Variants in TAF9B observed in about 807,000 individuals in gnomAD.
The protein encoded by TAF9B is TATA-box binding protein associated factor 9b.
A neutral mutation model predicts 17.6 loss-of-function variants in TAF9B; 47 were observed. The observed-to-expected ratio is 2.68, with a 90% confidence interval of 2.12 to 3.41. The LOEUF is 3.41. TAF9B is among the 30% of genes most tolerant of loss of function. TAF9B has a pLI of 0.00. For synonymous variants in TAF9B, 84 were observed against 68.7 expected, an observed-to-expected ratio of 1.22 and a Z score of -1.10; for missense variants, 218 against 189.3, an observed-to-expected ratio of 1.15 and a Z score of -0.89.
intron 5 of TAF9B, among the ~76,000 whole-genome samples, chrX:78,134,618 A>G (rs1557249842): frequency 9.0e-6 from 1 of 111,231 alleles, no homozygotes; most frequent in Non-Finnish European, 1.9e-5. Context: ...ATAAAGCCCA[A>G]AGGTACTGAG....
At chrX:78,137,236 G>C (rs1358497459) in intron 4 of TAF9B, among the ~76,000 whole-genome samples, 2 of 111,696 alleles carry the variant, frequency 1.8e-5, no homozygotes, top group Non-Finnish European at 3.8e-5. Context: ...TTAAGATAGC[G>C]GTTATCCCCA....
rs1188819130 is a variant in TAF9B at position 78,131,412 on chromosome X, T to A, written c.*198A>T. ...ATGAAACTATTAAGAAACAAGTACT[T>A]AACTGTTTGTAATTGAAGCCTACTG... is the stretch of plus-strand genomic sequence containing the variant. On this transcript the variant is annotated 3_prime_UTR_variant, in exon 7 of 7. Transcript: ENST00000341864. The A allele has an allele frequency of 6.0e-6, 2 of 333,922 alleles. No homozygotes were observed. The highest frequency in any genetic ancestry group is 1.0e-5 in the Non-Finnish European group (2 of 194,001). The allele number at this position is 333,922 out of a possible 1,213,427, so 27.5% of individuals were successfully genotyped here. A position where few individuals can be genotyped will look rare whatever the true frequency, so the allele number is the denominator to read the frequency against.
At chrX:78,136,452 CTA>C (rs1367951635) in intron 5 of TAF9B, among the ~76,000 whole-genome samples, 1 of 112,232 alleles carries the variant, frequency 8.9e-6, no homozygotes, top group Non-Finnish European at 1.9e-5. Context: ...ACAATCAGTA[CTA>C]TGTTTTAAAA....
chrX:78,139,643 G>A lies in TAF9B; in HGVS notation c.-32C>T. The A allele has an allele frequency of 8.3e-7, 1 of 1,209,055 alleles. No individual in the cohort carries two copies. The highest frequency in any genetic ancestry group is 1.1e-6 in the Non-Finnish European group (1 of 893,916). On this transcript the variant is annotated 5_prime_UTR_variant, in exon 1 of 7. Coordinates refer to ENST00000341864, the MANE Select transcript of TAF9B (RefSeq NM_015975.5). ...CAGCCACTCGTCATCCGCGGAGACA[G>A]AGGAGAGAGGAGAGCTCGCGGGCTC... is the stretch of plus-strand genomic sequence containing the variant.
At chrX:78,133,633 C>CAGTAT (rs2078423351) in intron 5 of TAF9B, among the ~76,000 whole-genome samples, 185 bp from the exon 6 acceptor site, 1 of 111,642 alleles carries the variant, frequency 9.0e-6, no homozygotes, top group African/African-American at 3.3e-5. Flanking sequence ...TTACAAAATT[C>CAGTAT]AGTATAGAAT....
At chrX:78,132,888 C>A (rs2078419772) in intron 6 of TAF9B, among the ~76,000 whole-genome samples, 1 of 110,473 alleles carries the variant, frequency 9.1e-6, no homozygotes, top group Non-Finnish European at 1.9e-5. Context: ...AGTAGTCCCC[C>A]CTTATCTGCA....
At chrX:78,134,839 C>T (rs1460229232) in intron 5 of TAF9B, among the ~76,000 whole-genome samples, 1 of 111,813 alleles carries the variant, frequency 8.9e-6, no homozygotes, top group East Asian at 2.8e-4. Context: ...ATTGTTAATA[C>T]ATTTTAGTAG....
chrX:78,139,498 C>T, intron 1 of TAF9B, 63 bp downstream of exon 1: 1 of 1,201,958 alleles, frequency 8.3e-7, no homozygotes, highest in South Asian at 1.8e-5. Context: ...TCAGCGTGGC[C>T]CCGCCTCGCA....
At position 78,136,995 on chromosome X, in the gene TAF9B, G is replaced by A. The variant is rs781859284; in HGVS notation, c.406-5C>T. The stretch of plus-strand genomic sequence containing the variant: ...TAGTCTCCCTTGGTTAGGTCCCTAG[G>A]GGATTTAAAAAACAAATTAATGTTA... On this transcript the variant is annotated splice_region_variant and splice_polypyrimidine_tract_variant and intron_variant, in intron 4 of 6. Transcript: ENST00000341864. The A allele has an allele frequency of 8.5e-7, 1 of 1,176,083 alleles. No individual in the cohort carries two copies. The highest frequency in any genetic ancestry group is 1.2e-6 in the Non-Finnish European group (1 of 868,356).
rs1557250376 is a variant in TAF9B, at chrX:78,138,857, A to C, written c.119T>G (p.Leu40Trp). The C allele has an allele frequency of 8.3e-7, 1 of 1,205,416 alleles. No individual in the cohort carries two copies. The highest frequency in any genetic ancestry group is 1.7e-5 in the African/African-American group (1 of 57,484). Residue 40 changes from leucine (L) to tryptophan (W), a missense_variant, in exon 2 of 7, where the codon TTG becomes TGG. Physicochemically the swap from Leu to Trp is moderately conservative, Grantham distance 61. Coordinates refer to ENST00000341864, the MANE Select transcript of TAF9B (RefSeq NM_015975.5). ...EYEPRVINQM[L>W]EFAFRYVTTI... The stretch of plus-strand genomic sequence containing the variant: ...CATTAACTTACGGAAAGCAAATTCC[A>C]ACATTTGATTTATAACCCTTGGTTC...
At chrX:78,136,446 T>C (rs2078434712) in intron 5 of TAF9B, among the ~76,000 whole-genome samples, 1 of 112,258 alleles carries the variant, frequency 8.9e-6, no homozygotes, top group Non-Finnish European at 1.9e-5. Flanking sequence ...TCTAAAACAA[T>C]CAGTACTATG....
At chrX:78,136,782 G>T in intron 5 of TAF9B, 133 bp downstream of exon 5, 1 of 402,693 alleles carries the variant, frequency 2.5e-6, no homozygotes, top group South Asian at 5.8e-5. Flanking sequence ...TTTACTAGAG[G>T]ATGAGTAAAA....
intron 1 of TAF9B, among the ~76,000 whole-genome samples, chrX:78,139,229 C>T (rs1195257827): frequency 3.6e-5 from 4 of 111,329 alleles, no homozygotes; most frequent in African/African-American, 1.3e-4. Context: ...GCTGTGGCGG[C>T]GGGTTAAGGT....
intron 5 of TAF9B, 65 bp from the exon 6 acceptor site, chrX:78,133,513 G>C (rs2078422818): frequency 2.5e-6 from 2 of 805,978 alleles, no homozygotes; most frequent in South Asian, 4.6e-5. Context: ...TCTACACTCA[G>C]CTTACCGCAA....
chrX:78,134,625 T>G (rs16978765), intron 5 of TAF9B, among the ~76,000 whole-genome samples: 1 of 110,315 alleles, frequency 9.1e-6, no homozygotes, highest in South Asian at 3.9e-4. Context: ...CCAAAGGTAC[T>G]GAGAAATCCG....
intron 6 of TAF9B, 83 bp downstream of exon 6, chrX:78,133,255 T>C (rs1291465058): frequency 1.2e-6 from 1 of 810,624 alleles, no homozygotes; most frequent in African/African-American, 2.0e-5. Context: ...ATTAAAACAA[T>C]TTACCTCTTG....
rs2078411090 is a variant in TAF9B, at chrX:78,131,380, A to G, written c.*230T>C. ...AAACAGAATTGCCATATTAGGACTC[A>G]ACATTAATGAAACTATTAAGAAACA... is the stretch of plus-strand genomic sequence containing the variant. On this transcript the variant is annotated 3_prime_UTR_variant, in exon 7 of 7. Coordinates refer to ENST00000341864, the MANE Select transcript of TAF9B (RefSeq NM_015975.5). 3.6e-6 allele frequency: 1 copy of G among 274,367 alleles called. No homozygotes were observed. Among genetic ancestry groups the G allele is most frequent in the African/African-American group, 2.8e-5 (1 of 36,046 alleles). 22.6% of individuals were successfully genotyped at this position (274,367 alleles called of 1,213,427 possible). A position where few individuals can be genotyped will look rare whatever the true frequency, so the allele number is the denominator to read the frequency against.
At position 78,136,971 on chromosome X, in the gene TAF9B, A is replaced by T. The variant is rs1603399974; in HGVS notation, c.425T>A (p.Leu142Gln). ...AGCACCAACACTTAATCGTGGAACT[A>T]GTCTCCCTTGGTTAGGTCCCTAGGG... ...LIKKGPNQGRLVPRLSVGAVS... is the reference protein window; with the variant it reads ...LIKKGPNQGRQVPRLSVGAVS... The change falls in exon 5 of 7, where the codon CTA (leucine) becomes CAA (glutamine). Residue 142 changes from leucine to glutamine, a missense_variant. Transcript: ENST00000341864. 8.3e-7 allele frequency: 1 copy of T among 1,203,123 alleles called. No homozygotes were observed. Among genetic ancestry groups the T allele is most frequent in the African/African-American group, 1.8e-5 (1 of 57,127 alleles).
At chrX:78,137,124 C>A in intron 4 of TAF9B, 134 bp from the exon 5 acceptor site, 1 of 436,649 alleles carries the variant, frequency 2.3e-6, no homozygotes. Flanking sequence ...TCTCAGTGTT[C>A]TAAATCCAAC....
Sources: gnomAD v4.1 joint callset for allele counts (sites outside exome capture counted in the v4.1 genomes callset) on GRCh38, gnomAD v4.1.1 for gene constraint, MANE v1.5 for transcripts, NCBI Gene and HGNC (gene_info 2026-07-23, HGNC 2026-07-21) for gene names.